Variants in PSTPIP1 observed in about 807,000 individuals in gnomAD.
PSTPIP1 encodes the protein proline-serine-threonine phosphatase-interacting protein 1.
Under a neutral mutation model 69.6 loss-of-function variants are expected in PSTPIP1, and 66 were observed. That is an observed-to-expected ratio of 0.95 (90% CI 0.78 to 1.16). PSTPIP1 has a LOEUF of 1.16. Among genes scored for constraint, PSTPIP1 ranks in the 50% most tolerant of loss-of-function variants. The pLI, the probability that PSTPIP1 is intolerant of heterozygous loss-of-function variation, is 0.00. For synonymous variants in PSTPIP1, 266 were observed against 222.7 expected (o/e 1.19, Z -1.73); for missense variants, 603 against 557.4 (o/e 1.08, Z -0.82).
At chr15:76,994,939 C>T, upstream of PSTPIP1, 1 of 1,250,752 alleles carries the variant, frequency 8.0e-7, no homozygotes, top group Non-Finnish European at 1.0e-6. Context: ...CCCTCCTGGC[C>T]ACACTGTCAG....
intron 1 of PSTPIP1, among the ~76,000 whole-genome samples, chr15:77,010,998 G>T (rs1169768479): frequency 2.0e-5 from 3 of 152,158 alleles, no homozygotes; most frequent in African/African-American, 7.2e-5. Flanking sequence ...AAAGAAGTGG[G>T]GATTGGGCTG....
Position 77,029,598 on chromosome 15 carries a change from C to A in PSTPIP1, c.562+24C>A, listed in dbSNP as rs1299255294. 3.2e-6 allele frequency: 5 copies of A among 1,561,634 alleles called. No homozygotes were observed. The South Asian group carries it at 5.9e-5, about 18-fold the overall frequency. On this transcript the variant is annotated intron_variant, in intron 8 of 14. Transcript: ENST00000558012. ...AGGTATGTGGGCCTGGCTGCCCCGT[C>A]CGACCAGGGCGGAGGCCTGGGCGGT...
At chr15:77,007,364 C>T (rs535256490) in intron 1 of PSTPIP1, among the ~76,000 whole-genome samples, 4 of 152,260 alleles carry the variant, frequency 2.6e-5, no homozygotes, top group Admixed American at 6.5e-5. Flanking sequence ...TTCCAGCACT[C>T]TGGAAAGCTG....
chr15:77,011,008 G>A (rs2075923591), intron 1 of PSTPIP1, among the ~76,000 whole-genome samples: 1 of 152,170 alleles, frequency 6.6e-6, no homozygotes, highest in South Asian at 2.1e-4. Flanking sequence ...GGATTGGGCT[G>A]GCCCCATGAG....
In PSTPIP1 at chr15:77,027,579, G is replaced by T; in HGVS notation, c.355-273G>T. 1 of 482,124 alleles carries T rather than the reference G, an allele frequency of 2.1e-6. No individual in the cohort carries two copies. Among genetic ancestry groups the T allele is most frequent in the East Asian group, 4.2e-5 (1 of 23,928 alleles). 29.9% of individuals were successfully genotyped at this position (482,124 alleles called of 1,614,324 possible). On this transcript the variant is annotated intron_variant, in intron 5 of 14. Coordinates refer to ENST00000558012, the MANE Select transcript of PSTPIP1 (RefSeq NM_003978.5). The surrounding 1 kb of genome is among the most constrained non-coding windows in gnomAD (Gnocchi z 4.3). ...GATGAACGACTGTGTGCGCACGTGT[G>T]TTGGGGTGGGAACTCCCCAGCTGGA...
chr15:77,026,257 C>T (rs528695291), intron 5 of PSTPIP1: 61 of 453,430 alleles, frequency 1.3e-4, no homozygotes, highest in African/African-American at 8.0e-4. Context: ...GCAGGCAGGA[C>T]GCAGACTGGC....
chr15:77,008,163 G>A (rs1330895670), intron 1 of PSTPIP1: 1 of 435,446 alleles, frequency 2.3e-6, no homozygotes, highest in East Asian at 7.0e-5. Context: ...CAGGTGTGAG[G>A]TCTGCACAGC....
chr15:77,018,566 C>T (rs992104614), intron 3 of PSTPIP1, 35 bp downstream of exon 3: 1 of 1,520,426 alleles, frequency 6.6e-7, no homozygotes, highest in East Asian at 2.5e-5. Flanking sequence ...TCACTCCTCT[C>T]CTCTGCTGGC....
chr15:77,000,479 A>ATATATATATATATATATATATATATAGG (rs1568482008), intron 1 of PSTPIP1, among the ~76,000 whole-genome samples: 1 of 148,862 alleles, frequency 6.7e-6, no homozygotes, highest in African/African-American at 2.5e-5. Context: ...ATATATATAC[A>ATATATATATATATATATATATATATAGG]CACACACACA....
chr15:76,998,323 G>A (rs2075624363), intron 1 of PSTPIP1, among the ~76,000 whole-genome samples: 2 of 152,210 alleles, frequency 1.3e-5, no homozygotes, highest in African/African-American at 2.4e-5. Context: ...ACAGAACACG[G>A]GGCGGAGGAG....
chr15:77,023,792 A>G (rs12148413), intron 3 of PSTPIP1: 92,128 of 152,004 alleles, frequency 0.61, 28,077 homozygotes, highest in East Asian at 0.78. Flanking sequence ...TGGTGTGCGT[A>G]AGGGCTGGGT....
intron 3 of PSTPIP1, among the ~76,000 whole-genome samples, chr15:77,021,759 C>T (rs1284374866): frequency 1.3e-5 from 2 of 152,216 alleles, no homozygotes; most frequent in Non-Finnish European, 2.9e-5. Flanking sequence ...AGAGACTTTG[C>T]CTGACTCTCC....
At chr15:77,028,240 T>C in intron 6 of PSTPIP1, 1 of 499,116 alleles carries the variant, frequency 2.0e-6, no homozygotes. Flanking sequence ...GGAGAGGGGC[T>C]CCTAAGAGGG....
rs1468002596 is a variant in PSTPIP1 at position 77,027,873 on chromosome 15, G to A, written c.376G>A (p.Val126Ile). 1 of 1,569,866 alleles carries A rather than the reference G, an allele frequency of 6.4e-7. No homozygotes were observed. The change falls in exon 6 of 15, where the codon GTC (valine) becomes ATC (isoleucine). Residue 126 changes from valine (V) to isoleucine (I), a missense_variant. Transcript: ENST00000558012. This position sits in a 1 kb window ranked among gnomAD's most constrained non-coding sequence, Gnocchi z 4.3. ...RKKYEAVMDR[V>I]QKSKLSLYKK... Reference sequence around the variant, plus strand: ...GCAGTATGAGGCCGTCATGGACCGGGTCCAGAAGAGCAAGCTGTCGCTCTA... The same window carrying A: ...GCAGTATGAGGCCGTCATGGACCGGATCCAGAAGAGCAAGCTGTCGCTCTA...
chr15:77,034,103 G>A (rs576751406), intron 12 of PSTPIP1, among the ~76,000 whole-genome samples: 80 of 152,278 alleles, frequency 5.3e-4, no homozygotes, highest in African/African-American at 1.8e-3. Context: ...GGCTGGTCAG[G>A]CCTCTGGATG....
intron 8 of PSTPIP1, 47 bp downstream of exon 8, chr15:77,029,621 G>C (rs187712861): frequency 6.5e-7 from 1 of 1,540,512 alleles, no homozygotes; most frequent in Non-Finnish European, 8.8e-7. Flanking sequence ...AGGCCTGGGC[G>C]GTACTCCCCA....
Position 77,037,313 on chromosome 15 carries a change from A to C in PSTPIP1, c.*137A>C. Reference sequence around the variant, plus strand: ...GGAGCCTGTCGTCTCCCAGGGAATAAAGGAGTGCGTTCTGTTCTCCTTGGT... The same window carrying C: ...GGAGCCTGTCGTCTCCCAGGGAATACAGGAGTGCGTTCTGTTCTCCTTGGT... On this transcript the variant is annotated 3_prime_UTR_variant, in exon 15 of 15. Transcript: ENST00000558012. 1 of 1,184,734 alleles carries C rather than the reference A, an allele frequency of 8.4e-7. No individual in the cohort carries two copies. The highest frequency in any genetic ancestry group is 1.2e-6 in the Non-Finnish European group (1 of 865,042). 73.4% of individuals were successfully genotyped at this position (1,184,734 alleles called of 1,614,324 possible). A position where few individuals can be genotyped will look rare whatever the true frequency, so the allele number is the denominator to read the frequency against.
At chr15:77,025,737 G>C in intron 5 of PSTPIP1, 133 bp downstream of exon 5, 1 of 770,292 alleles carries the variant, frequency 1.3e-6, no homozygotes, top group African/African-American at 1.7e-5. Flanking sequence ...AGCACTCCAG[G>C]CTTTGGGGCT....
chr15:77,022,736 G>C (rs1412900810), intron 3 of PSTPIP1, among the ~76,000 whole-genome samples: 2 of 152,216 alleles, frequency 1.3e-5, no homozygotes, highest in Non-Finnish European at 2.9e-5. Flanking sequence ...AAAGGGAGGA[G>C]TGTTCTGGGC....
Sources: allele counts gnomAD v4.1 joint callset (sites outside exome capture counted in the v4.1 genomes callset), GRCh38; gene constraint gnomAD v4.1.1; non-coding constraint Gnocchi (gnomAD v3.1); transcripts MANE v1.5; gene names NCBI Gene and HGNC (gene_info 2026-07-23, HGNC 2026-07-21).